Variants in DNAH6 observed in about 807,000 individuals in gnomAD.
The protein encoded by DNAH6 is dynein axonemal heavy chain 6, also known as axonemal beta dynein heavy chain 6.
A neutral mutation model predicts 491.4 loss-of-function variants in DNAH6; 340 were observed. That is an observed-to-expected ratio of 0.69 (90% CI 0.63 to 0.76). The LOEUF is 0.76. Ranked by LOEUF, DNAH6 falls within the 30% of genes least tolerant of loss-of-function variation. The pLI is 0.00. For missense variants in DNAH6, 4,443 were observed against 4,972.2 expected (o/e 0.89, Z 3.20); for synonymous variants, 1,603 against 1,686.1 (o/e 0.95, Z 1.21).
the DNAH6 span, among the ~76,000 whole-genome samples, chr2:84,508,825 C>T: frequency 1.3e-5 from 2 of 152,128 alleles, no homozygotes; most frequent in Non-Finnish European, 2.9e-5. Context: ...TCGTTATGTA[C>T]CCAGTAAGTC....
chr2:84,534,587 AATTTC>A (rs1677501599), intron 4 of DNAH6, among the ~76,000 whole-genome samples: 1 of 151,778 alleles, frequency 6.6e-6, no homozygotes, highest in Non-Finnish European at 1.5e-5. Flanking sequence ...GTTTTTTTTT[AATTTC>A]ATTTGCTCTT....
Position 84,557,922 on chromosome 2 carries a change from T to C in DNAH6, c.1790T>C (p.Ile597Thr). 1 of 1,606,980 alleles carries C rather than the reference T, an allele frequency of 6.2e-7. No homozygotes were observed. The highest frequency in any genetic ancestry group is 1.1e-5 in the South Asian group (1 of 90,618). ...FEDDKNFHTI[I>T]SQIKETIQAA... ...GATGATAAGAATTTTCACACAATTA[T>C]TTCTCAAATAAAGGTATGTTTACTC... Residue 597 changes from isoleucine (I) to threonine (T), a missense_variant, in exon 11 of 77, where the codon ATT becomes ACT. This residue lies in a region of DNAH6 where 2,977 missense variants were observed against 3,296.6 expected (regional missense o/e 0.90). Coordinates refer to ENST00000389394, the MANE Select transcript of DNAH6 (RefSeq NM_001370.2).
intron 68 of DNAH6, among the ~76,000 whole-genome samples, chr2:84,794,608 C>T (rs1243399263): frequency 4.6e-5 from 7 of 150,644 alleles, no homozygotes; most frequent in Admixed American, 1.3e-4. Context: ...CAGAGAAATG[C>T]AAATCAAAAC....
intron 70 of DNAH6, among the ~76,000 whole-genome samples, chr2:84,799,808 A>G (rs74644324): frequency 0.025 from 3,838 of 152,332 alleles, 58 homozygotes; most frequent in Middle Eastern, 0.092. Context: ...ACCAAGGCCT[A>G]GGAATGGACT....
the DNAH6 span, among the ~76,000 whole-genome samples, chr2:84,465,655 A>G: frequency 1.3e-5 from 2 of 152,220 alleles, no homozygotes; most frequent in African/African-American, 4.8e-5. Flanking sequence ...GAATTGTTGG[A>G]ACCAAGCTGA....
At chr2:84,704,443 C>A in intron 51 of DNAH6, 141 bp downstream of exon 51, 1 of 663,438 alleles carries the variant, frequency 1.5e-6, no homozygotes, top group Non-Finnish European at 2.6e-6. Context: ...ATTCAAGGAG[C>A]ATTTTCTTCC....
intron 14 of DNAH6, among the ~76,000 whole-genome samples, chr2:84,582,296 C>T (rs13415285): frequency 0.073 from 11,075 of 152,160 alleles, 1,338 homozygotes; most frequent in African/African-American, 0.25. Flanking sequence ...CCGTGGTTCT[C>T]AAAGGGGGAC....
chr2:84,591,523 C>T (rs1684112468), intron 16 of DNAH6, among the ~76,000 whole-genome samples: 1 of 152,058 alleles, frequency 6.6e-6, no homozygotes, highest in Admixed American at 6.6e-5. Flanking sequence ...TGTTAAAATA[C>T]CTGTACTACC....
intron 51 of DNAH6, among the ~76,000 whole-genome samples, chr2:84,704,972 G>C (rs1343146527): frequency 6.6e-6 from 1 of 152,176 alleles, no homozygotes; most frequent in Non-Finnish European, 1.5e-5. Context: ...GACCCAGAGA[G>C]CTCTGCAGAG....
Position 84,588,813 on chromosome 2 carries a change from C to T in DNAH6, c.2482-13C>T, listed in dbSNP as rs746733034. On this transcript the variant is annotated splice_polypyrimidine_tract_variant and intron_variant, in intron 15 of 76. Coordinates refer to ENST00000389394, the MANE Select transcript of DNAH6 (RefSeq NM_001370.2). Reference sequence around the variant, plus strand: ...GCAGGAATGGCTAACCAAAAACTGTCTTAAATTTATAGGATCCACAGATTT... The same window carrying T: ...GCAGGAATGGCTAACCAAAAACTGTTTTAAATTTATAGGATCCACAGATTT... The T allele has an allele frequency of 1.3e-5, 19 of 1,515,516 alleles. No homozygotes were observed. Among genetic ancestry groups the T allele is most frequent in the Non-Finnish European group, 1.6e-5 (18 of 1,132,740 alleles). 93.9% of individuals were successfully genotyped at this position (1,515,516 alleles called of 1,614,324 possible). A position where few individuals can be genotyped will look rare whatever the true frequency, so the allele number is the denominator to read the frequency against.
At chr2:84,469,741 C>A in the DNAH6 span, among the ~76,000 whole-genome samples, 1 of 152,156 alleles carries the variant, frequency 6.6e-6, no homozygotes, top group Non-Finnish European at 1.5e-5. The surrounding 1 kb of genome is among the most constrained non-coding windows in gnomAD (Gnocchi z 4.0). Context: ...CCATGCCCCA[C>A]AATCCTGTAC....
Position 84,642,107 on chromosome 2 carries a change from G to T in DNAH6, c.5078+53G>T. The T allele has an allele frequency of 4.3e-6, 5 of 1,155,402 alleles. No homozygotes were observed. In the South Asian group the frequency reaches 5.8e-5, roughly 13 times the overall value. The allele number at this position is 1,155,402 out of a possible 1,614,324, so 71.6% of individuals were successfully genotyped here. A position where few individuals can be genotyped will look rare whatever the true frequency, so the allele number is the denominator to read the frequency against. ...GCATGGCTATCACGTAGAGGCAAATGGTAGTCTTTTCTTCAATTATTTCTT... is the reference window on the plus strand; with the variant it reads ...GCATGGCTATCACGTAGAGGCAAATTGTAGTCTTTTCTTCAATTATTTCTT... On this transcript the variant is annotated intron_variant, in intron 33 of 76. Coordinates refer to ENST00000389394, the MANE Select transcript of DNAH6 (RefSeq NM_001370.2).
chr2:84,682,109 C>G (rs1693839887), intron 42 of DNAH6, among the ~76,000 whole-genome samples: 1 of 152,218 alleles, frequency 6.6e-6, no homozygotes, highest in Non-Finnish European at 1.5e-5. Context: ...CCCTGTCTCA[C>G]TTACTCCCTC....
the DNAH6 span, among the ~76,000 whole-genome samples, chr2:84,470,162 T>C: frequency 5.3e-5 from 8 of 152,114 alleles, no homozygotes; most frequent in African/African-American, 1.7e-4. Context: ...GCCAGAAATA[T>C]GTTACAGGAC....
chr2:84,813,269 G>C lies in DNAH6; in HGVS notation c.11998+139G>C, dbSNP rs1192362. On this transcript the variant is annotated intron_variant, in intron 74 of 76. Transcript: ENST00000389394. ...GATCATAGGGCAATCTAACAAGGTC[G>C]TGCTCTTCCTCACTTGTGGGGGGCA... is the stretch of plus-strand genomic sequence containing the variant. 0.21 allele frequency: 139,577 copies of C among 663,258 alleles called. 16,361 individuals carry two copies. The highest frequency in any genetic ancestry group is 0.42 in the African/African-American group (23,167 of 55,264). The allele number at this position is 663,258 out of a possible 1,614,324, so 41.1% of individuals were successfully genotyped here.
At chr2:84,720,360 G>A (rs1013172004) in intron 59 of DNAH6, among the ~76,000 whole-genome samples, 2 of 127,742 alleles carry the variant, frequency 1.6e-5, no homozygotes, top group African/African-American at 2.9e-5. Context: ...CTCACTGCAA[G>A]CTCCGCCTCC....
At chr2:84,570,655 A>G (rs984029445) in intron 11 of DNAH6, among the ~76,000 whole-genome samples, 8 of 152,150 alleles carry the variant, frequency 5.3e-5, no homozygotes, top group Admixed American at 5.2e-4. Flanking sequence ...AAATGCACCA[A>G]TCAGCACTCT....
chr2:84,636,035 C>G (rs1688849069), intron 30 of DNAH6, among the ~76,000 whole-genome samples: 2 of 152,188 alleles, frequency 1.3e-5, no homozygotes, highest in African/African-American at 4.8e-5. Flanking sequence ...CTAGATGCCT[C>G]TCCTCCCAAC....
chr2:84,577,144 A>G, intron 12 of DNAH6, 113 bp from the exon 13 acceptor site: 1 of 595,824 alleles, frequency 1.7e-6, no homozygotes, highest in Non-Finnish European at 2.7e-6. Context: ...AGATAATAAC[A>G]TTATACATAT....
Sources: allele counts gnomAD v4.1 joint callset (sites outside exome capture counted in the v4.1 genomes callset), GRCh38; gene constraint gnomAD v4.1.1; regional missense constraint gnomAD v4.1.1; non-coding constraint Gnocchi (gnomAD v3.1); transcripts MANE v1.5; gene names NCBI Gene and HGNC (gene_info 2026-07-23, HGNC 2026-07-21).